CRYL1: variants seen among roughly 807,000 people sequenced by gnomAD.
CRYL1 encodes the protein lambda-crystallin homolog.
Under a neutral mutation model 36.6 loss-of-function variants are expected in CRYL1, and 29 were observed. The observed-to-expected ratio is 0.79, with a 90% confidence interval of 0.59 to 1.08. The LOEUF is 1.08. CRYL1 is among the 50% of genes least tolerant of loss of function. The pLI, the probability that CRYL1 is intolerant of heterozygous loss-of-function variation, is 0.00. For missense variants in CRYL1, 411 were observed against 407.9 expected, an observed-to-expected ratio of 1.01 and a Z score of -0.06; for synonymous variants, 152 against 151.5, an observed-to-expected ratio of 1.00 and a Z score of -0.02.
At chr13:20,438,166 G>C (rs1043519260) in intron 4 of CRYL1, among the ~76,000 whole-genome samples, 1 of 152,114 alleles carries the variant, frequency 6.6e-6, no homozygotes, top group Non-Finnish European at 1.5e-5. Context: ...CCAGGACCAT[G>C]CAGCTATGTA....
chr13:20,445,078 T>G (rs2032426524), intron 3 of CRYL1, among the ~76,000 whole-genome samples: 1 of 152,088 alleles, frequency 6.6e-6, no homozygotes, highest in African/African-American at 2.4e-5. Context: ...ACCCTTTAAG[T>G]AAAGAGTGAG....
intron 3 of CRYL1, among the ~76,000 whole-genome samples, chr13:20,457,786 C>A (rs1004559333): frequency 6.6e-6 from 1 of 152,200 alleles, no homozygotes; most frequent in Admixed American, 6.5e-5. Context: ...CCAGGCCCTG[C>A]TCCAAGTGCT....
intron 2 of CRYL1, among the ~76,000 whole-genome samples, chr13:20,506,663 T>C (rs1405675539): frequency 1.3e-5 from 2 of 151,982 alleles, no homozygotes; most frequent in African/African-American, 2.4e-5. Flanking sequence ...ACCCAAGAAA[T>C]AGAACAAAGG....
intron 6 of CRYL1, among the ~76,000 whole-genome samples, chr13:20,407,383 C>T (rs2031405714): frequency 2.0e-5 from 3 of 152,016 alleles, no homozygotes; most frequent in Admixed American, 2.0e-4. Flanking sequence ...AACCATGTCC[C>T]AGTAAACTTA....
intron 2 of CRYL1, among the ~76,000 whole-genome samples, chr13:20,490,825 T>C (rs901652874): frequency 6.6e-6 from 1 of 152,156 alleles, no homozygotes; most frequent in African/African-American, 2.4e-5. Flanking sequence ...CTGTGCTGGG[T>C]TTACTGCTCT....
intron 6 of CRYL1, among the ~76,000 whole-genome samples, chr13:20,410,883 G>T (rs998685997): frequency 6.6e-6 from 1 of 152,228 alleles, no homozygotes; most frequent in African/African-American, 2.4e-5. Flanking sequence ...GCCAGGGTAA[G>T]GAGCCGGCCG....
At chr13:20,432,339 T>C in intron 4 of CRYL1, 43 bp from the exon 5 acceptor site, 1 of 1,504,034 alleles carries the variant, frequency 6.6e-7, no homozygotes, top group South Asian at 1.2e-5. Flanking sequence ...GAGATGATCC[T>C]GGGTTTGGGG....
chr13:20,454,400 T>G (rs2137422010), intron 3 of CRYL1, among the ~76,000 whole-genome samples: 1 of 148,112 alleles, frequency 6.8e-6, no homozygotes, highest in South Asian at 2.1e-4. Flanking sequence ...TTCACAAAAT[T>G]CAACCCCCAT....
chr13:20,522,780 G>C (rs2034117720), intron 1 of CRYL1, among the ~76,000 whole-genome samples: 1 of 152,090 alleles, frequency 6.6e-6, no homozygotes, highest in Admixed American at 6.6e-5. Context: ...GAATCTTGCA[G>C]TGTGTATACA....
intron 3 of CRYL1, among the ~76,000 whole-genome samples, chr13:20,460,136 A>G (rs1233457834): frequency 6.6e-6 from 1 of 152,146 alleles, no homozygotes; most frequent in African/African-American, 2.4e-5. Context: ...ACCCCCATGG[A>G]TGGATGTGCC....
chr13:20,505,880 T>C (rs1203530833), intron 2 of CRYL1, among the ~76,000 whole-genome samples: 1 of 152,212 alleles, frequency 6.6e-6, no homozygotes, highest in Non-Finnish European at 1.5e-5. Flanking sequence ...TTTCTGAACA[T>C]CTAAGCACCA....
intron 2 of CRYL1, among the ~76,000 whole-genome samples, chr13:20,507,186 G>A (rs577594314): frequency 6.6e-6 from 1 of 152,292 alleles, no homozygotes; most frequent in South Asian, 2.1e-4. Flanking sequence ...TTTATTAGCA[G>A]CATGAAAACA....
chr13:20,453,888 G>A (rs1366775115), intron 3 of CRYL1, among the ~76,000 whole-genome samples: 14 of 152,134 alleles, frequency 9.2e-5, no homozygotes, highest in Admixed American at 9.2e-4. Context: ...TTTATGCCAA[G>A]AAATCCTACA....
intron 6 of CRYL1, among the ~76,000 whole-genome samples, chr13:20,410,887 C>T (rs1469851405): frequency 6.6e-6 from 1 of 152,226 alleles, no homozygotes; most frequent in Non-Finnish European, 1.5e-5. Flanking sequence ...GGGTAAGGAG[C>T]CGGCCGGCTG....
intron 5 of CRYL1, chr13:20,430,135 C>T (rs2032024768): frequency 1.1e-6 from 1 of 945,286 alleles, no homozygotes; most frequent in Non-Finnish European, 1.3e-6. Context: ...CAGGAGAGGA[C>T]CTGAAGTTTC....
chr13:20,417,734 G>C (rs1406311183), intron 5 of CRYL1, among the ~76,000 whole-genome samples: 1 of 152,144 alleles, frequency 6.6e-6, no homozygotes, highest in East Asian at 1.9e-4. Flanking sequence ...CATAGCTGGG[G>C]CACATATTTT....
chr13:20,453,459 T>TATTTTGAAATATTCTAATATATTTGAAC (rs1405453151), intron 3 of CRYL1, among the ~76,000 whole-genome samples: 1 of 148,024 alleles, frequency 6.8e-6, no homozygotes, highest in Non-Finnish European at 1.5e-5. Flanking sequence ...TATATTTGAA[T>TATTTTGAAATATTCTAATATATTTGAAC]ATTTTGAAAA....
chr13:20,457,099 C>G (rs2032709424), intron 3 of CRYL1, among the ~76,000 whole-genome samples: 1 of 152,160 alleles, frequency 6.6e-6, no homozygotes, highest in Non-Finnish European at 1.5e-5. Context: ...CTCAGCCCAG[C>G]CTCTGTGGTC....
In CRYL1 at chr13:20,404,751, T is replaced by C. The variant is rs2137357625; in HGVS notation, c.740-10A>G. Reference sequence around the variant, plus strand: ...CAGTAGCTTAACATACCTGGAATTGTATGAAGACAAGAATCCACAATCTCA... The same window carrying C: ...CAGTAGCTTAACATACCTGGAATTGCATGAAGACAAGAATCCACAATCTCA... On this transcript the variant is annotated splice_polypyrimidine_tract_variant and intron_variant, in intron 6 of 7. Coordinates refer to ENST00000298248, the MANE Select transcript of CRYL1 (RefSeq NM_015974.3). 2 of 1,551,942 alleles carry C rather than the reference T, an allele frequency of 1.3e-6. No homozygotes were observed. Among genetic ancestry groups the C allele is most frequent in the South Asian group, 1.1e-5 (1 of 89,208 alleles).
Sources: allele counts gnomAD v4.1 joint callset (sites outside exome capture counted in the v4.1 genomes callset), GRCh38; gene constraint gnomAD v4.1.1; transcripts MANE v1.5; gene names NCBI Gene and HGNC (gene_info 2026-07-23, HGNC 2026-07-21).